The following UNC5C variants were observed in gnomAD, a reference collection of about 807,000 sequenced individuals.
The protein encoded by UNC5C is unc-5 netrin receptor C.
UNC5C carries 47 observed loss-of-function variants against 99.8 expected under a neutral mutation model. The observed-to-expected ratio is 0.47, with a 90% confidence interval of 0.37 to 0.60. UNC5C has a LOEUF of 0.60. UNC5C is among the 20% of genes least tolerant of loss of function. UNC5C has a pLI of 0.00. For missense variants in UNC5C, 1,062 were observed against 1,165.9 expected, an observed-to-expected ratio of 0.91 and a Z score of 1.30; for synonymous variants, 487 against 452.2, an observed-to-expected ratio of 1.08 and a Z score of -0.98.
At chr4:95,282,118 GGA>G (rs1447915473) in intron 3 of UNC5C, among the ~76,000 whole-genome samples, 1 of 152,068 alleles carries the variant, frequency 6.6e-6, no homozygotes, top group Non-Finnish European at 1.5e-5. Context: ...GCATCACCAG[GGA>G]GAGACTGCAG....
chr4:95,477,323 G>A (rs529095176), intron 1 of UNC5C, among the ~76,000 whole-genome samples: 2 of 151,972 alleles, frequency 1.3e-5, no homozygotes, highest in African/African-American at 4.8e-5. Flanking sequence ...TCACAAAATG[G>A]ATCAGAGGAA....
chr4:95,480,497 A>T (rs1721105200), intron 1 of UNC5C, among the ~76,000 whole-genome samples: 1 of 151,860 alleles, frequency 6.6e-6, no homozygotes, highest in Non-Finnish European at 1.5e-5. Context: ...AGACCACCCT[A>T]TGTCATTTTC....
chr4:95,410,622 G>C (rs1411917954), intron 1 of UNC5C, among the ~76,000 whole-genome samples: 9 of 152,164 alleles, frequency 5.9e-5, no homozygotes, highest in Non-Finnish European at 1.0e-4. Flanking sequence ...TGTTAGTACT[G>C]GGGGAGAGTG....
chr4:95,189,838 A>G (rs1736997648), intron 12 of UNC5C, among the ~76,000 whole-genome samples: 1 of 152,188 alleles, frequency 6.6e-6, no homozygotes, highest in Non-Finnish European at 1.5e-5. Context: ...AAGTCAGGAA[A>G]CAACAGGTGC....
chr4:95,360,366 G>A (rs1171141656), intron 1 of UNC5C, among the ~76,000 whole-genome samples: 1 of 152,168 alleles, frequency 6.6e-6, no homozygotes, highest in Non-Finnish European at 1.5e-5. Context: ...TCCACAATAT[G>A]AAGAGGAGCA....
chr4:95,320,619 T>TGTGGC (rs1427563381), intron 2 of UNC5C, among the ~76,000 whole-genome samples: 3 of 152,162 alleles, frequency 2.0e-5, no homozygotes, highest in African/African-American at 7.2e-5. Context: ...GCAAAATTGC[T>TGTGGC]ATAGCAACAC....
At position 95,249,943 on chromosome 4, in the gene UNC5C, A is replaced by G. The variant is rs1055082374; in HGVS notation, c.775+544T>C. 4.6e-5 allele frequency among the ~76,000 whole-genome samples: 7 copies of G among 152,286 alleles called. No homozygotes were observed. In the South Asian group the frequency reaches 8.3e-4, roughly 18 times the overall value. On this transcript the variant is annotated intron_variant, in intron 5 of 15. Transcript: ENST00000453304. ...CAGCTCCCGCTTTCTGAGGGTTTGC[A>G]ATGATAAGACTGAGGTGTTAGGTCC... is the stretch of plus-strand genomic sequence containing the variant.
chr4:95,226,925 C>T (rs1334499787), intron 7 of UNC5C, among the ~76,000 whole-genome samples: 1 of 151,948 alleles, frequency 6.6e-6, no homozygotes, highest in East Asian at 1.9e-4. Flanking sequence ...ACAATCTTGC[C>T]ATGAAAGGAT....
intron 1 of UNC5C, among the ~76,000 whole-genome samples, chr4:95,536,307 C>A (rs926867775): frequency 6.6e-6 from 1 of 151,946 alleles, no homozygotes; most frequent in Non-Finnish European, 1.5e-5. Flanking sequence ...AACTCCTGAC[C>A]TCAGGCGATC....
intron 1 of UNC5C, among the ~76,000 whole-genome samples, chr4:95,505,672 T>C (rs1019216120): frequency 1.3e-5 from 2 of 152,112 alleles, no homozygotes; most frequent in Non-Finnish European, 2.9e-5. Flanking sequence ...CTAGAAACTT[T>C]CATGCTCTCC....
chr4:95,170,370 T>C, intron 14 of UNC5C, 38 bp from the exon 15 acceptor site: 1 of 1,603,484 alleles, frequency 6.2e-7, no homozygotes, highest in Middle Eastern at 1.7e-4. Context: ...GCATTATTTC[T>C]GAGGACAAAA....
intron 12 of UNC5C, among the ~76,000 whole-genome samples, chr4:95,187,943 A>G (rs923895756): frequency 6.6e-6 from 1 of 152,228 alleles, no homozygotes; most frequent in African/African-American, 2.4e-5. Context: ...CAGAGGCTAT[A>G]AACATGTTTG....
rs150673806 is a variant in UNC5C, at chr4:95,396,815, T to C, written c.125-61184A>G. 4.6e-5 allele frequency among the ~76,000 whole-genome samples: 7 copies of C among 152,372 alleles called. No individual in the cohort carries two copies. In the East Asian group the frequency reaches 1.3e-3, roughly 29 times the overall value. On this transcript the variant is annotated intron_variant, in intron 1 of 15. Coordinates refer to ENST00000453304, the MANE Select transcript of UNC5C (RefSeq NM_003728.4). ...ACCAAGAAACCATTATCCCTGATTG[T>C]GACCCTATGTTAACAACTGAACTAA... is the stretch of plus-strand genomic sequence containing the variant.
chr4:95,289,794 A>AT (rs892675236), intron 3 of UNC5C, among the ~76,000 whole-genome samples: 7 of 152,310 alleles, frequency 4.6e-5, no homozygotes, highest in African/African-American at 1.7e-4. Flanking sequence ...AGTGAAGCAT[A>AT]TTTTGGAAGA....
intron 10 of UNC5C, among the ~76,000 whole-genome samples, chr4:95,208,926 T>C (rs1737976343): frequency 6.6e-6 from 1 of 152,232 alleles, no homozygotes; most frequent in African/African-American, 2.4e-5. Flanking sequence ...ACTCAATGAA[T>C]GGTAGCAGTT....
intron 2 of UNC5C, among the ~76,000 whole-genome samples, chr4:95,330,141 G>A (rs1743055227): frequency 6.6e-6 from 1 of 151,974 alleles, no homozygotes; most frequent in Non-Finnish European, 1.5e-5. Flanking sequence ...GTCTTTTAGT[G>A]TTTCTTGATC....
chr4:95,213,439 C>CA (rs1199160155), intron 10 of UNC5C, among the ~76,000 whole-genome samples: 1 of 152,144 alleles, frequency 6.6e-6, no homozygotes, highest in Non-Finnish European at 1.5e-5. Context: ...ATCCTGAGCA[C>CA]AGCCTTGCAG....
At chr4:95,546,958 C>T (rs1413804106) in intron 1 of UNC5C, among the ~76,000 whole-genome samples, 1 of 151,988 alleles carries the variant, frequency 6.6e-6, no homozygotes, top group Non-Finnish European at 1.5e-5. Context: ...ACCCCCATGG[C>T]TCAGTCCTTT....
At chr4:95,365,697 G>C (rs1395038269) in intron 1 of UNC5C, among the ~76,000 whole-genome samples, 1 of 151,962 alleles carries the variant, frequency 6.6e-6, no homozygotes, top group Non-Finnish European at 1.5e-5. Context: ...AACATACATA[G>C]AGTTAAAATG....
Sources: allele counts gnomAD v4.1 joint callset (sites outside exome capture counted in the v4.1 genomes callset), GRCh38; gene constraint gnomAD v4.1.1; transcripts MANE v1.5; gene names NCBI Gene and HGNC (gene_info 2026-07-23, HGNC 2026-07-21).